ADGRB1: variants seen among roughly 807,000 people sequenced by gnomAD.
The protein encoded by ADGRB1 is adhesion G protein-coupled receptor B1, also known as brain-specific angiogenesis inhibitor 1.
Under a neutral mutation model 175.7 loss-of-function variants are expected in ADGRB1, and 36 were observed. The observed-to-expected ratio is 0.20, with a 90% CI of 0.16 to 0.27. The LOEUF is 0.27. Among genes scored for constraint, ADGRB1 ranks in the 10% least tolerant of loss-of-function variants. ADGRB1 has a pLI of 1.00. For missense variants in ADGRB1, 1,731 were observed against 2,255.3 expected, an observed-to-expected ratio of 0.77 and a Z score of 4.71; for synonymous variants, 1,054 against 979.4, an observed-to-expected ratio of 1.08 and a Z score of -1.42.
At position 142,520,856 on chromosome 8, in the gene ADGRB1, C is replaced by G; in HGVS notation, c.2955C>G (p.Ile985Met). The change falls in exon 20 of 31, where the codon ATC (isoleucine) becomes ATG (methionine). Residue 985 changes from isoleucine (I) to methionine (M), a missense_variant. Physicochemically the swap from Ile to Met is conservative, Grantham distance 10 (BLOSUM62 1). Transcript: ENST00000517894. ...YIRSERSVIL[I>M]NFCLSIISSN... ...GCTCAGAGCGTTCTGTCATCCTCAT[C>G]AACTTCTGCCTGTCCATCATCTCCT... is the stretch of plus-strand genomic sequence containing the variant. The G allele has an allele frequency of 6.2e-7, 1 of 1,613,744 alleles. No individual in the cohort carries two copies. Among genetic ancestry groups the G allele is most frequent in the Non-Finnish European group, 8.5e-7 (1 of 1,179,744 alleles).
intron 19 of ADGRB1, among the ~76,000 whole-genome samples, chr8:142,519,810 T>TTGGTGC (rs761891440): frequency 7.8e-4 from 108 of 138,978 alleles, no homozygotes; most frequent in Non-Finnish European, 1.4e-3. Flanking sequence ...TGTGATGGTG[T>TTGGTGC]TGGTGCTGGT....
chr8:142,490,540 G>C (rs979172918), intron 16 of ADGRB1, among the ~76,000 whole-genome samples: 4 of 152,262 alleles, frequency 2.6e-5, no homozygotes, highest in Admixed American at 6.5e-5. Context: ...GGAGGGGCCA[G>C]GAGCTGCCCG....
intron 26 of ADGRB1, among the ~76,000 whole-genome samples, chr8:142,538,972 A>G (rs970503799): frequency 6.6e-6 from 1 of 152,184 alleles, no homozygotes; most frequent in Non-Finnish European, 1.5e-5. Context: ...TGTGTGCCTC[A>G]CAAACAGTCT....
At position 142,455,046 on chromosome 8, in the gene ADGRB1, C is replaced by T. The variant is rs1587235691; in HGVS notation, c.-220+4942C>T. On this transcript the variant is annotated intron_variant, in intron 1 of 30. Transcript: ENST00000517894. The surrounding 1 kb of genome is among the most constrained non-coding windows in gnomAD (Gnocchi z 4.9). The stretch of plus-strand genomic sequence containing the variant: ...TTCTGTCCCCTGTCCTGCTCATCGC[C>T]AGCCGCAGCACCCTCATATTTGACA... 2.0e-5 allele frequency among the ~76,000 whole-genome samples: 3 copies of T among 151,942 alleles called. No individual in the cohort carries two copies. The highest frequency in any genetic ancestry group is 2.0e-4 in the Admixed American group (3 of 15,276).
intron 23 of ADGRB1, among the ~76,000 whole-genome samples, chr8:142,525,425 C>G (rs377565127): frequency 6.6e-6 from 1 of 151,996 alleles, no homozygotes; most frequent in Non-Finnish European, 1.5e-5. Flanking sequence ...CTGTGGGACC[C>G]GAGCCCCAGC....
chr8:142,479,837 G>A (rs1841234201), intron 9 of ADGRB1, 43 bp downstream of exon 9: 1 of 1,568,636 alleles, frequency 6.4e-7, no homozygotes, highest in Non-Finnish European at 8.7e-7. Context: ...CTCCCGTCCT[G>A]TCCTCACGGT....
chr8:142,478,661 T>G (rs1414638089), intron 7 of ADGRB1, among the ~76,000 whole-genome samples: 31 of 72,214 alleles, frequency 4.3e-4, no homozygotes, highest in Admixed American at 9.6e-4. Flanking sequence ...AAGTGGAGGG[T>G]GGGGTGGCTG....
At chr8:142,488,193 GGGGGCT>G (rs981132225) in intron 13 of ADGRB1, among the ~76,000 whole-genome samples, 165 bp from the exon 14 acceptor site, 5 of 152,178 alleles carry the variant, frequency 3.3e-5, no homozygotes, top group African/African-American at 1.2e-4. Flanking sequence ...CCGAGGTTCT[GGGGGCT>G]GGGGCTGGGG....
chr8:142,462,799 A>G (rs1185370322), intron 1 of ADGRB1, among the ~76,000 whole-genome samples: 1 of 152,216 alleles, frequency 6.6e-6, no homozygotes, highest in African/African-American at 2.4e-5. Context: ...GGTGGGATGG[A>G]CGGCCTGGCC....
intron 11 of ADGRB1, among the ~76,000 whole-genome samples, chr8:142,483,395 G>A (rs1201169817): frequency 1.4e-5 from 2 of 141,008 alleles, no homozygotes; most frequent in Non-Finnish European, 3.0e-5. Flanking sequence ...GTCACACCCT[G>A]AGCCCTGACA....
At chr8:142,535,710 G>T (rs1011903193) in intron 25 of ADGRB1, among the ~76,000 whole-genome samples, 11 of 152,168 alleles carry the variant, frequency 7.2e-5, no homozygotes, top group African/African-American at 2.4e-4. Flanking sequence ...TCCTGGAGAG[G>T]GTACCAGAGG....
intron 1 of ADGRB1, among the ~76,000 whole-genome samples, chr8:142,461,376 C>G (rs1011714620): frequency 6.6e-6 from 1 of 152,220 alleles, no homozygotes; most frequent in Non-Finnish European, 1.5e-5. Context: ...TGTTTTCTCA[C>G]CAAGCTGGAG....
Position 142,492,158 on chromosome 8 carries a change from C to T in ADGRB1, c.2675+1343C>T, listed in dbSNP as rs182154589. Among the ~76,000 whole-genome samples the T allele has an allele frequency of 1.3e-5, 2 of 152,110 alleles. No homozygotes were observed. Among genetic ancestry groups the T allele is most frequent in the Non-Finnish European group, 1.5e-5 (1 of 67,952 alleles). ...CCCACCAACCATCAACCCTCTCCTT[C>T]GTCCACCTGTTCTTTAATCTATATC... is the stretch of plus-strand genomic sequence containing the variant. On this transcript the variant is annotated intron_variant, in intron 17 of 30. Coordinates refer to ENST00000517894, the MANE Select transcript of ADGRB1 (RefSeq NM_001702.3). The surrounding 1 kb of genome is among the most constrained non-coding windows in gnomAD (Gnocchi z 4.4).
At chr8:142,484,869 C>T in intron 13 of ADGRB1, 105 bp downstream of exon 13, 1 of 886,060 alleles carries the variant, frequency 1.1e-6, no homozygotes, top group East Asian at 2.7e-5. Context: ...AGTGACCAGA[C>T]AGCCTTTGTG....
At chr8:142,520,784 C>T in intron 19 of ADGRB1, 39 bp from the exon 20 acceptor site, 1 of 1,564,726 alleles carries the variant, frequency 6.4e-7, no homozygotes, top group Non-Finnish European at 8.8e-7. Context: ...AGATGGGGTT[C>T]TGTTGGGTGC....
intron 1 of ADGRB1, among the ~76,000 whole-genome samples, chr8:142,457,842 T>C (rs1236981699): frequency 3.3e-5 from 5 of 152,126 alleles, no homozygotes; most frequent in Non-Finnish European, 1.5e-5. Flanking sequence ...CCTGGGCCCA[T>C]GTCAGGGGCC....
At chr8:142,478,501 G>A (rs773236416) in intron 7 of ADGRB1, 141 bp downstream of exon 7, 9 of 1,072,502 alleles carry the variant, frequency 8.4e-6, no homozygotes, top group Middle Eastern at 3.1e-4. Flanking sequence ...AGTGGGGTCT[G>A]GGGTGGCTGT....
intron 1 of ADGRB1, among the ~76,000 whole-genome samples, chr8:142,459,467 C>G (rs1458687733): frequency 6.6e-6 from 1 of 152,130 alleles, no homozygotes; most frequent in Non-Finnish European, 1.5e-5. Context: ...AGGCCTGGAC[C>G]CCTTTCTCCA....
chr8:142,510,849 C>T lies in ADGRB1; in HGVS notation c.2676-83C>T, dbSNP rs1325439017. ...CGGGGCCGGGGCCGGGGCGCGGAGCCGCCGCTCGGGGGCCGGGGCGCCCGC... is the reference window on the plus strand; with the variant it reads ...CGGGGCCGGGGCCGGGGCGCGGAGCTGCCGCTCGGGGGCCGGGGCGCCCGC... On this transcript the variant is annotated intron_variant, in intron 17 of 30. Transcript: ENST00000517894. This position sits in a 1 kb window ranked among gnomAD's most constrained non-coding sequence, Gnocchi z 6.3. 2.6e-6 allele frequency: 2 copies of T among 766,646 alleles called. No homozygotes were observed. The highest frequency in any genetic ancestry group is 1.9e-5 in the African/African-American group (1 of 51,924). The allele number at this position is 766,646 out of a possible 1,614,324, so 47.5% of individuals were successfully genotyped here. A position where few individuals can be genotyped will look rare whatever the true frequency, so the allele number is the denominator to read the frequency against.
Sources: gnomAD v4.1 joint callset for allele counts (sites outside exome capture counted in the v4.1 genomes callset) on GRCh38, gnomAD v4.1.1 for gene constraint, Gnocchi (gnomAD v3.1) non-coding constraint, MANE v1.5 for transcripts, NCBI Gene and HGNC (gene_info 2026-07-23, HGNC 2026-07-21) for gene names.